The following PRKCQ variants were observed in gnomAD, a reference collection of about 807,000 sequenced individuals.
PRKCQ encodes the protein protein kinase C theta.
PRKCQ carries 41 observed loss-of-function variants against 91.2 expected under a neutral mutation model. The observed-to-expected ratio is 0.45, with a 90% CI of 0.35 to 0.58. The LOEUF (loss-of-function observed/expected upper bound fraction) is 0.58. Ranked by LOEUF, PRKCQ falls within the 20% of genes least tolerant of loss-of-function variation. The pLI, the probability that PRKCQ is intolerant of heterozygous loss-of-function variation, is 0.00. For synonymous variants in PRKCQ, 307 were observed against 316.9 expected, an observed-to-expected ratio of 0.97 and a Z score of 0.33; for missense variants, 673 against 896.5, an observed-to-expected ratio of 0.75 and a Z score of 3.18.
intron 15 of PRKCQ, among the ~76,000 whole-genome samples, chr10:6,455,965 A>G (rs559975390): frequency 6.6e-6 from 1 of 152,362 alleles, no homozygotes; most frequent in South Asian, 2.1e-4. Flanking sequence ...AAAAGCAACC[A>G]GAACAAGTGC....
At chr10:6,507,063 GATA>G in intron 4 of PRKCQ, among the ~76,000 whole-genome samples, 1 of 152,266 alleles carries the variant, frequency 6.6e-6, no homozygotes, top group Admixed American at 6.5e-5. Context: ...GTATTCTACT[GATA>G]ATATGGTAGC....
intron 2 of PRKCQ, among the ~76,000 whole-genome samples, chr10:6,513,139 G>A (rs2130864103): frequency 6.6e-6 from 1 of 152,252 alleles, no homozygotes; most frequent in South Asian, 2.1e-4. Context: ...GAGTGTTACC[G>A]TTTTAACGAC....
rs1224647479 is a variant in PRKCQ at position 6,556,433 on chromosome 10, GGAAAAAA to G, written c.-10+23771_-10+23777del. On this transcript the variant is annotated intron_variant, in intron 1 of 17. Coordinates refer to ENST00000263125, the MANE Select transcript of PRKCQ (RefSeq NM_006257.5). ...AGCAACAAAGCAAGACCCTGTCTTG[GGAAAAAA>G]AAAAAAAAAAAAAAAGCAACACTTA... Among the ~76,000 whole-genome samples the G allele has an allele frequency of 7.5e-5, 7 of 93,448 alleles. No individual in the cohort carries two copies. The South Asian group carries it at 1.0e-3, about 13-fold the overall frequency. The allele number at this position is 93,448 out of a possible 152,430, so 61.3% of individuals were successfully genotyped here. A position where few individuals can be genotyped will look rare whatever the true frequency, so the allele number is the denominator to read the frequency against.
At chr10:6,404,856 T>TTTCTCTTCCTTCCTTTCTTTCC in the PRKCQ span, among the ~76,000 whole-genome samples, 1 of 147,276 alleles carries the variant, frequency 6.8e-6, no homozygotes, top group Non-Finnish European at 1.5e-5. Flanking sequence ...TCCTTCTTTC[T>TTTCTCTTCCTTCCTTTCTTTCC]TTCTCTTCCT....
intron 1 of PRKCQ, among the ~76,000 whole-genome samples, chr10:6,561,814 C>A (rs1418228922): frequency 6.6e-6 from 1 of 152,008 alleles, no homozygotes; most frequent in Non-Finnish European, 1.5e-5. Flanking sequence ...TGGGTGTGGG[C>A]ATGTATGTTG....
intron 12 of PRKCQ, among the ~76,000 whole-genome samples, chr10:6,471,681 T>C (rs1334826435): frequency 1.3e-5 from 2 of 152,054 alleles, no homozygotes; most frequent in East Asian, 1.9e-4. Flanking sequence ...ACCCAGGAGA[T>C]GGAGGTTGCA....
chr10:6,428,434 T>C, intron 17 of PRKCQ, 72 bp from the exon 18 acceptor site: 11 of 1,532,440 alleles, frequency 7.2e-6, no homozygotes, highest in Non-Finnish European at 9.7e-6. Context: ...TTCACTTTTG[T>C]TATCTAGGCC....
upstream of PRKCQ, chr10:6,580,285 A>AGGGCTGGCGGGG (rs1564405599): frequency 1.2e-4 from 4 of 34,612 alleles, no homozygotes; most frequent in African/African-American, 2.9e-4. Context: ...CTGCGCGGGG[A>AGGGCTGGCGGGG]CTGGCGGGGC....
In PRKCQ at chr10:6,522,211, G is replaced by A. The variant is rs552011925; in HGVS notation, c.-9-7067C>T. ...TCCGCCTTGGCCTCCCAAAGTGCCG[G>A]GATTACAAGAGTGAGCCATCGCGCC... On this transcript the variant is annotated intron_variant, in intron 1 of 17. Transcript: ENST00000263125. 4.6e-5 allele frequency among the ~76,000 whole-genome samples: 7 copies of A among 152,256 alleles called. No individual in the cohort carries two copies. The South Asian group carries it at 1.2e-3, about 27-fold the overall frequency.
chr10:6,484,179 C>T (rs1000580594), intron 10 of PRKCQ, among the ~76,000 whole-genome samples: 2 of 152,200 alleles, frequency 1.3e-5, no homozygotes, highest in Non-Finnish European at 2.9e-5. Flanking sequence ...TTCGGGAGGC[C>T]GAGGTGGGCG....
chr10:6,421,797 A>T, the PRKCQ span, among the ~76,000 whole-genome samples: 2 of 152,230 alleles, frequency 1.3e-5, no homozygotes, highest in Non-Finnish European at 2.9e-5. This position sits in a 1 kb window ranked among gnomAD's most constrained non-coding sequence, Gnocchi z 4.1. Context: ...CCAGTAGAGA[A>T]AGGTGGTGCA....
intron 1 of PRKCQ, among the ~76,000 whole-genome samples, chr10:6,523,292 C>A (rs1410017622): frequency 4.0e-5 from 6 of 151,716 alleles, no homozygotes; most frequent in Non-Finnish European, 8.8e-5. Context: ...TCTATTTTTT[C>A]TTTTTTTAAT....
At chr10:6,450,998 A>C (rs534406324) in intron 15 of PRKCQ, among the ~76,000 whole-genome samples, 10 of 152,252 alleles carry the variant, frequency 6.6e-5, no homozygotes, top group Admixed American at 2.6e-4. Context: ...CTGACACCCT[A>C]ACATCACAAT....
downstream of PRKCQ, among the ~76,000 whole-genome samples, chr10:6,424,112 C>T (rs906995100): frequency 3.9e-5 from 6 of 152,082 alleles, no homozygotes; most frequent in East Asian, 1.9e-4. Flanking sequence ...GCAAAATTCT[C>T]GGGGCAAAAC....
At chr10:6,454,364 G>A (rs1428949710) in intron 15 of PRKCQ, among the ~76,000 whole-genome samples, 1 of 152,142 alleles carries the variant, frequency 6.6e-6, no homozygotes, top group East Asian at 1.9e-4. Flanking sequence ...TAGGGTAACA[G>A]CAGTAAGGGC....
At chr10:6,433,416 A>G (rs1410540881) in intron 16 of PRKCQ, among the ~76,000 whole-genome samples, 1 of 152,210 alleles carries the variant, frequency 6.6e-6, no homozygotes, top group African/African-American at 2.4e-5. Flanking sequence ...TACAGAAGCT[A>G]GCATAGTGCC....
intron 3 of PRKCQ, among the ~76,000 whole-genome samples, chr10:6,510,687 A>G (rs538709887): frequency 2.1e-4 from 32 of 152,314 alleles, no homozygotes; most frequent in Admixed American, 1.0e-3. Flanking sequence ...ACAAAAACTC[A>G]TCCCCCACTT....
rs562235486 is a variant in PRKCQ, at chr10:6,546,403, G to A, written c.-9-31259C>T. On this transcript the variant is annotated intron_variant, in intron 1 of 17. Coordinates refer to ENST00000263125, the MANE Select transcript of PRKCQ (RefSeq NM_006257.5). ...GTTGCAGAGGAAAGGAAATTTCAGC[G>A]TGGTGCAAGGAATATACACAAAGCT... 7.9e-5 allele frequency among the ~76,000 whole-genome samples: 12 copies of A among 152,270 alleles called. No homozygotes were observed. In the East Asian group the frequency reaches 1.4e-3, roughly 17 times the overall value.
intron 1 of PRKCQ, among the ~76,000 whole-genome samples, chr10:6,540,809 G>T (rs1292454152): frequency 6.6e-6 from 1 of 152,162 alleles, no homozygotes; most frequent in Non-Finnish European, 1.5e-5. Context: ...TCACTGCACT[G>T]TTTTCCTCAG....
Sources: gnomAD v4.1 joint callset for allele counts (sites outside exome capture counted in the v4.1 genomes callset) on GRCh38, gnomAD v4.1.1 for gene constraint, Gnocchi (gnomAD v3.1) non-coding constraint, MANE v1.5 for transcripts, NCBI Gene and HGNC (gene_info 2026-07-23, HGNC 2026-07-21) for gene names.